FHIT: variants seen among roughly 807,000 people sequenced by gnomAD.
FHIT encodes the protein bis(5'-adenosyl)-triphosphatase.
In FHIT, 19 loss-of-function variants were observed where a neutral mutation model predicts 17.9. The observed-to-expected ratio is 1.06, with a 90% CI of 0.74 to 1.56. The LOEUF (loss-of-function observed/expected upper bound fraction) is 1.56. Among genes scored for constraint, FHIT ranks in the 40% most tolerant of loss-of-function variants. FHIT has a pLI of 0.00. For missense variants in FHIT, 248 were observed against 189.2 expected, an observed-to-expected ratio of 1.31 and a Z score of -1.82; for synonymous variants, 81 against 69.7, an observed-to-expected ratio of 1.16 and a Z score of -0.81.
intron 4 of FHIT, among the ~76,000 whole-genome samples, chr3:60,667,422 ATTTTTATTTCTGTTAT>A (rs1437009683): frequency 6.6e-6 from 1 of 151,826 alleles, no homozygotes; most frequent in Non-Finnish European, 1.5e-5. Context: ...ATCCAGCACT[ATTTTTATTTCTGTTAT>A]TTTTTATTTC....
chr3:60,255,608 C>T lies in FHIT; in HGVS notation c.104-241456G>A, dbSNP rs181101471. On this transcript the variant is annotated intron_variant, in intron 5 of 9. Coordinates refer to ENST00000492590, the MANE Select transcript of FHIT (RefSeq NM_002012.4). The stretch of plus-strand genomic sequence containing the variant: ...AAAAGCCGCCCCAAATCTAACTTTC[C>T]TATGTGAAATGTCCCAATAAAAATT... 7.2e-5 allele frequency among the ~76,000 whole-genome samples: 11 copies of T among 152,128 alleles called. No individual in the cohort carries two copies. The East Asian group carries it at 1.5e-3, about 21-fold the overall frequency.
rs569015896 is a variant in FHIT at position 60,287,714 on chromosome 3, G to GA, written c.103+249145dup. 4.6e-5 allele frequency among the ~76,000 whole-genome samples: 7 copies of GA among 152,152 alleles called. No homozygotes were observed. The South Asian group carries it at 1.5e-3, about 32-fold the overall frequency. On this transcript the variant is annotated intron_variant, in intron 5 of 9. Coordinates refer to ENST00000492590, the MANE Select transcript of FHIT (RefSeq NM_002012.4). ...CATATAGCATGAGAGGAAGAGAGAA[G>GA]AAAAATGGGGAGACAAAGAAGGAAA...
intron 2 of FHIT, among the ~76,000 whole-genome samples, chr3:61,051,278 T>G (rs2034016139): frequency 6.6e-6 from 1 of 152,094 alleles, no homozygotes; most frequent in South Asian, 2.1e-4. Context: ...TTTGTTTGTT[T>G]GTTTGTTTTT....
chr3:60,017,198 T>C (rs1700375052), intron 5 of FHIT, among the ~76,000 whole-genome samples: 1 of 152,134 alleles, frequency 6.6e-6, no homozygotes, highest in African/African-American at 2.4e-5. Context: ...TTTCATTAAA[T>C]AGAAGGCTAT....
chr3:60,361,526 G>T (rs1699906276), intron 5 of FHIT, among the ~76,000 whole-genome samples: 1 of 152,146 alleles, frequency 6.6e-6, no homozygotes, highest in African/African-American at 2.4e-5. Context: ...CTTTGACCAA[G>T]CAAGTAAACA....
chr3:60,448,154 A>C (rs1258607502), intron 5 of FHIT, among the ~76,000 whole-genome samples: 1 of 152,130 alleles, frequency 6.6e-6, no homozygotes, highest in Non-Finnish European at 1.5e-5. Context: ...ATAGCAGTGG[A>C]TCTCTTGAGA....
chr3:60,668,022 C>A (rs2040420459), intron 4 of FHIT, among the ~76,000 whole-genome samples: 1 of 152,002 alleles, frequency 6.6e-6, no homozygotes, highest in South Asian at 2.1e-4. Context: ...AGGAGAGTCT[C>A]AGGCATGTGA....
intron 5 of FHIT, among the ~76,000 whole-genome samples, chr3:60,058,867 C>T (rs1349585665): frequency 6.6e-6 from 1 of 152,144 alleles, no homozygotes; most frequent in African/African-American, 2.4e-5. Context: ...ATTAATTGTT[C>T]TGGGAAATGT....
chr3:60,380,432 T>C (rs1262100624), intron 5 of FHIT, among the ~76,000 whole-genome samples: 1 of 152,208 alleles, frequency 6.6e-6, no homozygotes, highest in Non-Finnish European at 1.5e-5. Context: ...CAAACAAACC[T>C]CTTTTCATTA....
intron 3 of FHIT, among the ~76,000 whole-genome samples, chr3:60,834,881 GAAA>G (rs71092645): frequency 8.5e-5 from 8 of 94,498 alleles, no homozygotes; most frequent in African/African-American, 1.8e-4. Context: ...GAAAAGAAAA[GAAA>G]AAAAAAAAAA....
rs182748211 is a variant in FHIT, at chr3:60,584,814, G to T, written c.-17-47835C>A. ...TTTATTTTTGCTACTACTGAATGAA[G>T]ATCCTTACAATGTAATATCTAGCAA... On this transcript the variant is annotated intron_variant, in intron 4 of 9. Transcript: ENST00000492590. Among the ~76,000 whole-genome samples, 30 of 151,970 alleles carry T rather than the reference G, an allele frequency of 2.0e-4. No individual in the cohort carries two copies. The East Asian group carries it at 5.2e-3, about 27-fold the overall frequency.
chr3:60,258,100 A>ACACACACC (rs770378733), intron 5 of FHIT, among the ~76,000 whole-genome samples: 29,704 of 144,320 alleles, frequency 0.21, 3,777 homozygotes, highest in Non-Finnish European at 0.29. Flanking sequence ...ACACACACAC[A>ACACACACC]CCTCTGCAGA....
At chr3:60,732,937 C>T (rs886464747) in intron 4 of FHIT, among the ~76,000 whole-genome samples, 2 of 152,114 alleles carry the variant, frequency 1.3e-5, no homozygotes, top group African/African-American at 4.8e-5. Flanking sequence ...CGGCCCACCT[C>T]GGCATCCCAA....
chr3:60,739,046 G>C (rs1409969198), intron 4 of FHIT, among the ~76,000 whole-genome samples: 2 of 152,132 alleles, frequency 1.3e-5, no homozygotes, highest in Admixed American at 6.5e-5. Flanking sequence ...AACTCAGCTG[G>C]GGGCAGTCGG....
intron 4 of FHIT, among the ~76,000 whole-genome samples, chr3:60,750,602 C>T (rs1218972346): frequency 1.3e-5 from 2 of 152,164 alleles, no homozygotes; most frequent in African/African-American, 4.8e-5. Context: ...CTTGCTCCTC[C>T]TTGCCTTTAG....
intron 4 of FHIT, among the ~76,000 whole-genome samples, chr3:60,542,240 T>C (rs2036209367): frequency 6.6e-6 from 1 of 152,228 alleles, no homozygotes; most frequent in Non-Finnish European, 1.5e-5. Flanking sequence ...CCCATTCCTC[T>C]AGTGCTGTAG....
intron 8 of FHIT, among the ~76,000 whole-genome samples, chr3:59,828,212 T>C (rs1207881293): frequency 6.6e-6 from 1 of 152,250 alleles, no homozygotes; most frequent in Non-Finnish European, 1.5e-5. Context: ...TGATCCTTTT[T>C]TCTATCTTCA....
intron 2 of FHIT, among the ~76,000 whole-genome samples, chr3:61,124,373 G>A (rs189781061): frequency 3.9e-5 from 6 of 152,230 alleles, no homozygotes; most frequent in Admixed American, 2.6e-4. Flanking sequence ...CTCCATTAAC[G>A]GAGGGCAGTT....
chr3:60,512,657 C>T (rs370160399), intron 5 of FHIT, among the ~76,000 whole-genome samples: 1 of 152,120 alleles, frequency 6.6e-6, no homozygotes, highest in Non-Finnish European at 1.5e-5. Context: ...ATTAGTGATG[C>T]CAATAGCCTG....
Sources: gnomAD v4.1 joint callset for allele counts (sites outside exome capture counted in the v4.1 genomes callset) on GRCh38, gnomAD v4.1.1 for gene constraint, MANE v1.5 for transcripts, NCBI Gene and HGNC (gene_info 2026-07-23, HGNC 2026-07-21) for gene names.